SIPA1L3: variants seen among roughly 807,000 people sequenced by gnomAD.
SIPA1L3 encodes the protein signal induced proliferation associated 1 like 3, also known as signal-induced proliferation-associated 1-like protein 3.
Under a neutral mutation model 150.1 loss-of-function variants are expected in SIPA1L3, and 59 were observed. That is an observed-to-expected ratio of 0.39 (90% CI 0.32 to 0.49). SIPA1L3 has a LOEUF of 0.49. Among genes scored for constraint, SIPA1L3 ranks in the 20% least tolerant of loss-of-function variants. The pLI, the probability that SIPA1L3 is intolerant of heterozygous loss-of-function variation, is 0.86. For synonymous variants in SIPA1L3, 1,070 were observed against 1,077.6 expected (o/e 0.99, Z 0.14); for missense variants, 2,211 against 2,489.5 (o/e 0.89, Z 2.38).
intron 1 of SIPA1L3, among the ~76,000 whole-genome samples, chr19:37,926,844 A>G (rs1375183707): frequency 1.3e-5 from 2 of 152,152 alleles, no homozygotes; most frequent in Non-Finnish European, 2.9e-5. Context: ...TAGGCAATGT[A>G]TGTAGCGTCT....
intron 19 of SIPA1L3, among the ~76,000 whole-genome samples, chr19:38,201,615 C>T (rs1037412925): frequency 3.9e-5 from 6 of 152,172 alleles, no homozygotes; most frequent in Non-Finnish European, 8.8e-5. Context: ...TCAGCCCTTG[C>T]GTTTTGTATG....
intron 15 of SIPA1L3, among the ~76,000 whole-genome samples, chr19:38,178,954 A>G (rs1275621843): frequency 6.6e-6 from 1 of 152,238 alleles, no homozygotes; most frequent in Non-Finnish European, 1.5e-5. Flanking sequence ...TGTGGAAAGC[A>G]TTACATAGTT....
At chr19:38,134,536 G>A (rs1263946532) in intron 10 of SIPA1L3, among the ~76,000 whole-genome samples, 10 of 150,096 alleles carry the variant, frequency 6.7e-5, no homozygotes, top group South Asian at 6.4e-4. Flanking sequence ...GTGAAACCCC[G>A]TCTCTACTAA....
Position 38,149,043 on chromosome 19 carries a change from C to A in SIPA1L3, c.3534-3797C>A, listed in dbSNP as rs1424674303. Among the ~76,000 whole-genome samples the A allele has an allele frequency of 2.0e-5, 3 of 152,128 alleles. No homozygotes were observed. The South Asian group carries it at 6.2e-4, about 32-fold the overall frequency. ...GACATGGTCTCAAATGGGATATATT[C>A]AGCATCCCAATGAATGGTCAACATA... On this transcript the variant is annotated intron_variant, in intron 12 of 21. Transcript: ENST00000222345.
intron 10 of SIPA1L3, among the ~76,000 whole-genome samples, chr19:38,134,764 G>T (rs1181834320): frequency 1.3e-5 from 2 of 150,756 alleles, no homozygotes; most frequent in South Asian, 4.2e-4. Context: ...CCTATAGGAG[G>T]CGCTCGAGAG....
intron 1 of SIPA1L3, among the ~76,000 whole-genome samples, chr19:38,026,143 T>C (rs1968504869): frequency 6.6e-6 from 1 of 152,200 alleles, no homozygotes; most frequent in Non-Finnish European, 1.5e-5. Context: ...CAGGCAAGGC[T>C]GGATCCAGGG....
intron 1 of SIPA1L3, among the ~76,000 whole-genome samples, chr19:37,913,461 T>A (rs969777671): frequency 4.6e-5 from 7 of 152,094 alleles, no homozygotes; most frequent in Admixed American, 3.9e-4. Context: ...GCTGGCACAA[T>A]CTCAGCTCAC....
chr19:38,085,973 G>T (rs1052316548), intron 3 of SIPA1L3, among the ~76,000 whole-genome samples: 6 of 152,048 alleles, frequency 3.9e-5, no homozygotes, highest in African/African-American at 1.4e-4. Context: ...TCCAGCCTGG[G>T]CGACAGAGTG....
At chr19:37,930,903 C>T (rs1399490417) in intron 1 of SIPA1L3, among the ~76,000 whole-genome samples, 1 of 138,062 alleles carries the variant, frequency 7.2e-6, no homozygotes, top group East Asian at 2.3e-4. Context: ...TTTGAATATT[C>T]TGTGCCAGTT....
intron 1 of SIPA1L3, among the ~76,000 whole-genome samples, chr19:37,913,787 C>T (rs1337753836): frequency 7.3e-5 from 11 of 149,818 alleles, no homozygotes; most frequent in Non-Finnish European, 1.5e-4. Flanking sequence ...GAGGCTGAGG[C>T]GGGCAGATCA....
intron 1 of SIPA1L3, among the ~76,000 whole-genome samples, chr19:38,001,011 C>T (rs1160193226): frequency 6.7e-6 from 1 of 148,876 alleles, no homozygotes; most frequent in African/African-American, 2.5e-5. Context: ...CAATCATATA[C>T]ACATATATAT....
chr19:37,919,705 C>CTTTTTTTTTTT (rs10644508), intron 1 of SIPA1L3, among the ~76,000 whole-genome samples: 1 of 84,256 alleles, frequency 1.2e-5, no homozygotes, highest in African/African-American at 5.0e-5. Context: ...GGCCCTGAGG[C>CTTTTTTTTTTT]TTTTTTTTTT....
At chr19:38,100,235 T>G in intron 5 of SIPA1L3, 85 bp downstream of exon 5, 1 of 1,084,936 alleles carries the variant, frequency 9.2e-7, no homozygotes. Context: ...CTTGGTCACT[T>G]TCTTTTTTCT....
At chr19:38,112,613 A>G (rs1355786526) in intron 8 of SIPA1L3, among the ~76,000 whole-genome samples, 2 of 152,230 alleles carry the variant, frequency 1.3e-5, no homozygotes, top group East Asian at 1.9e-4. Context: ...AAAATCATTT[A>G]ACAGAGACCC....
chr19:38,184,114 T>C (rs947994680), intron 16 of SIPA1L3, among the ~76,000 whole-genome samples: 3 of 152,106 alleles, frequency 2.0e-5, no homozygotes, highest in South Asian at 2.1e-4. Context: ...TCTAAGTGGT[T>C]TGATGCGAAT....
intron 1 of SIPA1L3, among the ~76,000 whole-genome samples, chr19:37,934,943 A>G (rs2046587480): frequency 6.6e-6 from 1 of 152,180 alleles, no homozygotes; most frequent in Non-Finnish European, 1.5e-5. Flanking sequence ...CCAAGACATC[A>G]CTGATAGGCA....
rs1971163693 is a variant in SIPA1L3, at chr19:38,126,033, G to T, written c.2869-4465G>T. 2.0e-5 allele frequency among the ~76,000 whole-genome samples: 3 copies of T among 152,216 alleles called. No homozygotes were observed. In the South Asian group the frequency reaches 6.2e-4, roughly 32 times the overall value. On this transcript the variant is annotated intron_variant, in intron 9 of 21. Transcript: ENST00000222345. Reference sequence around the variant, plus strand: ...CTAAACATACGAAAAAATTAGCCGGGCGTGGTGGCGGGCTCCTGTAGTCCC... The same window carrying T: ...CTAAACATACGAAAAAATTAGCCGGTCGTGGTGGCGGGCTCCTGTAGTCCC...
At chr19:38,122,787 C>T (rs1231497497) in intron 9 of SIPA1L3, among the ~76,000 whole-genome samples, 1 of 152,206 alleles carries the variant, frequency 6.6e-6, no homozygotes, top group Non-Finnish European at 1.5e-5. Context: ...TTTGTACCAC[C>T]TCTTGCTGGA....
At chr19:37,914,522 A>C (rs2046400791) in intron 1 of SIPA1L3, among the ~76,000 whole-genome samples, 1 of 151,800 alleles carries the variant, frequency 6.6e-6, no homozygotes, top group Admixed American at 6.6e-5. Flanking sequence ...GGAATGTGCC[A>C]CCACACCTGG....
Sources: allele counts gnomAD v4.1 joint callset (sites outside exome capture counted in the v4.1 genomes callset), GRCh38; gene constraint gnomAD v4.1.1; transcripts MANE v1.5; gene names NCBI Gene and HGNC (gene_info 2026-07-23, HGNC 2026-07-21).